The following SAMD14 variants were observed in gnomAD, a reference collection of about 807,000 sequenced individuals.
SAMD14 encodes the protein sterile alpha motif domain-containing protein 14.
SAMD14 carries 27 observed loss-of-function variants against 46.2 expected under a neutral mutation model. That is an observed-to-expected ratio of 0.58 (90% CI 0.43 to 0.81). The LOEUF is 0.81. Among genes scored for constraint, SAMD14 ranks in the 30% least tolerant of loss-of-function variants. SAMD14 has a pLI of 0.00. For synonymous variants in SAMD14, 241 were observed against 254.3 expected (o/e 0.95, Z 0.50); for missense variants, 559 against 582.2 (o/e 0.96, Z 0.41).
At chr17:50,117,334 T>A (rs1235842232) in intron 4 of SAMD14, 73 bp downstream of exon 4, 1 of 1,247,528 alleles carries the variant, frequency 8.0e-7, no homozygotes, top group Non-Finnish European at 1.0e-6. Context: ...GCGGCTGCGG[T>A]GCGCGCCGGG....
At chr17:50,123,396 G>A (rs1359908037) in intron 2 of SAMD14, 1 of 152,288 alleles carries the variant, frequency 6.6e-6, no homozygotes, top group Non-Finnish European at 1.5e-5. Context: ...GTTAAGGAGA[G>A]TGGCTCCCAG....
chr17:50,115,857 C>T lies in SAMD14; in HGVS notation c.635G>A (p.Gly212Asp). The stretch of plus-strand genomic sequence containing the variant: ...GCTGCCCATGGACAGTCGGTTGCTG[C>T]CTTTCTCCTTCCGGCTCTTGCCCGT... ...ASTGKSRKEK[G>D]SNRLSMGSRE... The change falls in exon 6 of 10, where the codon GGC (glycine) becomes GAC (aspartate). Residue 212 changes from glycine to aspartate, a missense_variant. Physicochemically the swap from Gly to Asp is moderately conservative, Grantham distance 94. Coordinates refer to ENST00000330175, the MANE Select transcript of SAMD14 (RefSeq NM_001257359.2). This position sits in a 1 kb window ranked among gnomAD's most constrained non-coding sequence, Gnocchi z 5.3. 2.5e-6 allele frequency: 4 copies of T among 1,613,186 alleles called. No individual in the cohort carries two copies. The highest frequency in any genetic ancestry group is 3.4e-6 in the Non-Finnish European group (4 of 1,179,898).
chr17:50,124,773 A>ACGCGCGCGCG, intron 2 of SAMD14, 144 bp downstream of exon 2: 2 of 336,668 alleles, frequency 5.9e-6, no homozygotes, highest in Non-Finnish European at 5.4e-6. Flanking sequence ...GCGCGCGCGC[A>ACGCGCGCGCG]CACACACACA....
rs1242300680 is a variant in SAMD14 at position 50,124,931 on chromosome 17, A to C, written c.29T>G (p.Val10Gly). The C allele has an allele frequency of 1.2e-6, 2 of 1,613,820 alleles. No homozygotes were observed. The highest frequency in any genetic ancestry group is 2.7e-5 in the African/African-American group (2 of 74,840). Reference sequence around the variant, plus strand: ...ACAGAACTTACCAAAAACTTCATCCACGGGTTCTCGGAGCTTTGAAGAAGC... The same window carrying C: ...ACAGAACTTACCAAAAACTTCATCCCCGGGTTCTCGGAGCTTTGAAGAAGC... MASSKLREP[V>G]DEVFDLDLAV... The change falls in exon 2 of 10, where the codon GTG becomes GGG. Residue 10 changes from valine (V) to glycine (G), a missense_variant. Val to Gly is a moderately radical substitution (Grantham distance 109). Coordinates refer to ENST00000330175, the MANE Select transcript of SAMD14 (RefSeq NM_001257359.2).
chr17:50,120,698 T>A (rs537549477), intron 2 of SAMD14, among the ~76,000 whole-genome samples: 25 of 152,314 alleles, frequency 1.6e-4, no homozygotes, highest in African/African-American at 6.0e-4. Context: ...CCTGGCCGCC[T>A]GGCTCATCCT....
At chr17:50,118,893 T>TA (rs1911375305) in intron 2 of SAMD14, among the ~76,000 whole-genome samples, 2 of 152,234 alleles carry the variant, frequency 1.3e-5, no homozygotes, top group Admixed American at 6.5e-5. Context: ...ATGCATACTT[T>TA]ACAGCTGAGC....
At position 50,113,036 on chromosome 17, in the gene SAMD14, T is replaced by C; in HGVS notation, c.1111A>G (p.Ser371Gly). Reference sequence around the variant, plus strand: ...ACCAGTGCCCGGTCATGAGAGTTGCTGAGCCCCAGGCTCTGGGGAGGAGTC... The same window carrying C: ...ACCAGTGCCCGGTCATGAGAGTTGCCGAGCCCCAGGCTCTGGGGAGGAGTC... ...DGSKLKSLGL[S>G]NSHDRALVKR... Residue 371 changes from serine (S) to glycine (G), a missense_variant, in exon 10 of 10, where the codon AGC (serine) becomes GGC (glycine). Transcript: ENST00000330175. The C allele has an allele frequency of 6.2e-7, 1 of 1,612,178 alleles. No individual in the cohort carries two copies. Among genetic ancestry groups the C allele is most frequent in the Non-Finnish European group, 8.5e-7 (1 of 1,179,938 alleles).
intron 9 of SAMD14, 121 bp from the exon 10 acceptor site, chr17:50,113,169 A>G (rs1402321029): frequency 3.5e-6 from 4 of 1,155,394 alleles, no homozygotes; most frequent in Non-Finnish European, 4.8e-6. Context: ...CCTGGAGTGG[A>G]GCCTCCGCCT....
chr17:50,126,556 C>T (rs1320936762), intron 1 of SAMD14, among the ~76,000 whole-genome samples: 2 of 152,036 alleles, frequency 1.3e-5, no homozygotes, highest in East Asian at 3.9e-4. Flanking sequence ...CCACCCGCCT[C>T]GGCCTCCCAA....
At chr17:50,125,449 T>C (rs1911721231) in intron 1 of SAMD14, 1 of 167,762 alleles carries the variant, frequency 6.0e-6, no homozygotes, top group African/African-American at 2.4e-5. Context: ...CAAGATCACA[T>C]AGCAAGTTAA....
rs1232715157 is a variant in SAMD14 at position 50,124,956 on chromosome 17, C to G, written c.4G>C (p.Ala2Pro). M[A>P]SSKLREPVDE... is the part of the protein sequence containing the mutation. ...ACGGGTTCTCGGAGCTTTGAAGAAGCCATGACTCAAGAGAGCTGGGAAGGA... is the reference window on the plus strand; with the variant it reads ...ACGGGTTCTCGGAGCTTTGAAGAAGGCATGACTCAAGAGAGCTGGGAAGGA... Residue 2 changes from alanine (A) to proline (P), a missense_variant, in exon 2 of 10, where the codon GCT (alanine) becomes CCT (proline). Physicochemically the swap from Ala to Pro is conservative, Grantham distance 27. Coordinates refer to ENST00000330175, the MANE Select transcript of SAMD14 (RefSeq NM_001257359.2). The G allele has an allele frequency of 1.2e-6, 2 of 1,613,968 alleles. No homozygotes were observed. The highest frequency in any genetic ancestry group is 1.7e-5 in the Admixed American group (1 of 60,010).
At chr17:50,123,869 C>T (rs1911616514) in intron 2 of SAMD14, among the ~76,000 whole-genome samples, 1 of 152,052 alleles carries the variant, frequency 6.6e-6, no homozygotes, top group African/African-American at 2.4e-5. Flanking sequence ...AGGGAGAGCT[C>T]GTTTCCGTCA....
In SAMD14 at chr17:50,112,684, A is replaced by T; in HGVS notation, c.*209T>A. On this transcript the variant is annotated 3_prime_UTR_variant, in exon 10 of 10. Coordinates refer to ENST00000330175, the MANE Select transcript of SAMD14 (RefSeq NM_001257359.2). ...GTGCCAAACAAGTCCTCAAAATAGGATTTATTACTAGGCCCTCTCCCTGGG... is the reference window on the plus strand; with the variant it reads ...GTGCCAAACAAGTCCTCAAAATAGGTTTTATTACTAGGCCCTCTCCCTGGG... The T allele has an allele frequency of 1.8e-6, 1 of 543,216 alleles. No individual in the cohort carries two copies. Among genetic ancestry groups the T allele is most frequent in the Non-Finnish European group, 3.2e-6 (1 of 314,016 alleles). 33.6% of individuals were successfully genotyped at this position (543,216 alleles called of 1,614,324 possible). A position where few individuals can be genotyped will look rare whatever the true frequency, so the allele number is the denominator to read the frequency against.
chr17:50,127,431 G>A (rs1429085830), intron 1 of SAMD14, among the ~76,000 whole-genome samples: 1 of 151,976 alleles, frequency 6.6e-6, no homozygotes, highest in African/African-American at 2.4e-5. Flanking sequence ...GGAAAAAACT[G>A]TCTCTACTAA....
In SAMD14 at chr17:50,110,898, G is replaced by A. The variant is rs1489142603; in HGVS notation, c.*1995C>T. On this transcript the variant is annotated 3_prime_UTR_variant, in exon 10 of 10. Coordinates refer to ENST00000330175, the MANE Select transcript of SAMD14 (RefSeq NM_001257359.2). ...GTGCCCAGACATGTGTGCTCAGGGTGGCTTTCTCCCTAGGACCTTCTGTGT... is the reference window on the plus strand; with the variant it reads ...GTGCCCAGACATGTGTGCTCAGGGTAGCTTTCTCCCTAGGACCTTCTGTGT... The A allele has an allele frequency of 6.6e-6, 1 of 152,290 alleles. No homozygotes were observed. The highest frequency in any genetic ancestry group is 1.5e-5 in the Non-Finnish European group (1 of 68,116). The allele number at this position is 152,290 out of a possible 1,614,324, so 9.4% of individuals were successfully genotyped here. A position where few individuals can be genotyped will look rare whatever the true frequency, so the allele number is the denominator to read the frequency against.
In SAMD14 at chr17:50,114,304, T is replaced by G; in HGVS notation, c.825A>C (p.Glu275Asp). 1 of 1,613,836 alleles carries G rather than the reference T, an allele frequency of 6.2e-7. No homozygotes were observed. The highest frequency in any genetic ancestry group is 8.5e-7 in the Non-Finnish European group (1 of 1,179,974). Residue 275 changes from glutamate to aspartate, a missense_variant and splice_region_variant, in exon 8 of 10, where the codon GAA becomes GAC. By Grantham distance (45) the Glu-to-Asp change is conservative (BLOSUM62 2). Transcript: ENST00000330175. ...GFSPKKSASQESTLSDDSTPP... is the reference protein window; with the variant it reads ...GFSPKKSASQDSTLSDDSTPP... ...GCGTGGAGTCATCACTCAGAGTGGATTCCTAGACAGAAAAAGGTGCATGCC... is the reference window on the plus strand; with the variant it reads ...GCGTGGAGTCATCACTCAGAGTGGAGTCCTAGACAGAAAAAGGTGCATGCC...
intron 2 of SAMD14, among the ~76,000 whole-genome samples, chr17:50,119,000 C>T (rs1197882257): frequency 6.6e-6 from 1 of 152,186 alleles, no homozygotes; most frequent in African/African-American, 2.4e-5. Context: ...AGAGACTGGC[C>T]CTACTGGGGA....
At chr17:50,120,644 C>T (rs1157961474) in intron 2 of SAMD14, among the ~76,000 whole-genome samples, 1 of 152,178 alleles carries the variant, frequency 6.6e-6, no homozygotes, top group Non-Finnish European at 1.5e-5. Context: ...GCCTATGCTC[C>T]CTTGCCTGTC....
chr17:50,128,177 A>G (rs1911863377), intron 1 of SAMD14, among the ~76,000 whole-genome samples: 1 of 152,168 alleles, frequency 6.6e-6, no homozygotes, highest in Admixed American at 6.5e-5. Context: ...TCTTTATTCA[A>G]GAGCCCATTC....
Sources: gnomAD v4.1 joint callset for allele counts (sites outside exome capture counted in the v4.1 genomes callset) on GRCh38, gnomAD v4.1.1 for gene constraint, Gnocchi (gnomAD v3.1) non-coding constraint, MANE v1.5 for transcripts, NCBI Gene and HGNC (gene_info 2026-07-23, HGNC 2026-07-21) for gene names.